Variants in ATP9A observed in about 807,000 individuals in gnomAD.
ATP9A encodes the protein probable phospholipid-transporting ATPase IIA.
A neutral mutation model predicts 144.1 loss-of-function variants in ATP9A; 52 were observed. The observed-to-expected ratio is 0.36, with a 90% CI of 0.29 to 0.45. The LOEUF (loss-of-function observed/expected upper bound fraction) is 0.45, where lower values mean the gene tolerates loss of function less well. ATP9A is among the 20% of genes least tolerant of loss of function. The pLI is 1.00. For synonymous variants in ATP9A, 582 were observed against 557.4 expected (o/e 1.04, Z -0.62); for missense variants, 947 against 1,392.7 (o/e 0.68, Z 5.09).
chr20:51,752,690 C>A (rs1052948530), intron 1 of ATP9A, among the ~76,000 whole-genome samples: 1 of 152,292 alleles, frequency 6.6e-6, no homozygotes, highest in South Asian at 2.1e-4. Flanking sequence ...TTGAGTGCTT[C>A]TTTGTTGGTC....
At chr20:51,626,925 C>T (rs143251370) in intron 17 of ATP9A, among the ~76,000 whole-genome samples, 186 of 151,994 alleles carry the variant, frequency 1.2e-3, no homozygotes, top group African/African-American at 4.2e-3. Flanking sequence ...GGCATGGTGA[C>T]GGGCAACTGT....
intron 13 of ATP9A, among the ~76,000 whole-genome samples, chr20:51,666,679 T>A (rs6126289): frequency 0.034 from 4,627 of 134,954 alleles, 139 homozygotes; most frequent in African/African-American, 0.072. Context: ...GACTGTGTCT[T>A]AAAAAAAAAA....
chr20:51,702,002 T>G (rs2077595259), intron 4 of ATP9A, among the ~76,000 whole-genome samples: 1 of 151,534 alleles, frequency 6.6e-6, no homozygotes, highest in Non-Finnish European at 1.5e-5. Context: ...CTCTATTTTT[T>G]AAAAAAGTTA....
At chr20:51,642,725 CCAAAAAAAAA>C (rs1162543492) in intron 14 of ATP9A, among the ~76,000 whole-genome samples, 22 of 65,576 alleles carry the variant, frequency 3.4e-4, no homozygotes, top group Middle Eastern at 9.3e-3. Flanking sequence ...GACTCTGTCT[CCAAAAAAAAA>C]AAAAAAAAAA....
chr20:51,647,547 T>A (rs572300823), intron 14 of ATP9A, among the ~76,000 whole-genome samples: 73 of 151,404 alleles, frequency 4.8e-4, no homozygotes, highest in African/African-American at 1.7e-3. Flanking sequence ...CAAGACTTCA[T>A]CTCAAAACAA....
chr20:51,741,204 G>A (rs1435363996), intron 1 of ATP9A, among the ~76,000 whole-genome samples: 1 of 152,098 alleles, frequency 6.6e-6, no homozygotes, highest in African/African-American at 2.4e-5. Context: ...CACTGCTGGA[G>A]AGCATCCCTT....
At chr20:51,677,996 T>C (rs1158151830) in intron 9 of ATP9A, among the ~76,000 whole-genome samples, 1 of 152,036 alleles carries the variant, frequency 6.6e-6, no homozygotes, top group African/African-American at 2.4e-5. Context: ...CCCTTCTCAG[T>C]GTGTGCCAAG....
chr20:51,726,987 C>A (rs553611082), intron 2 of ATP9A, among the ~76,000 whole-genome samples: 3 of 133,220 alleles, frequency 2.3e-5, no homozygotes, highest in Non-Finnish European at 4.6e-5. Flanking sequence ...AGGTTGAGTG[C>A]AAAAAGAAAT....
rs574568079 is a variant in ATP9A, at chr20:51,693,138, G to A, written c.642+870C>T. Among the ~76,000 whole-genome samples, 72 of 152,344 alleles carry A rather than the reference G, an allele frequency of 4.7e-4. 1 individual carries two copies. The highest frequency in any genetic ancestry group is 1.7e-3 in the African/African-American group (70 of 41,576). On this transcript the variant is annotated intron_variant, in intron 7 of 27. Coordinates refer to ENST00000338821, the MANE Select transcript of ATP9A (RefSeq NM_006045.3). Reference sequence around the variant, plus strand: ...GGCCTGCGCCCCATCATACACACTGGGGATACGGCAGAGAATACAACAGGA... The same window carrying A: ...GGCCTGCGCCCCATCATACACACTGAGGATACGGCAGAGAATACAACAGGA...
At chr20:51,746,702 G>A (rs1379051167) in intron 1 of ATP9A, among the ~76,000 whole-genome samples, 1 of 152,222 alleles carries the variant, frequency 6.6e-6, no homozygotes, top group Non-Finnish European at 1.5e-5. Context: ...GGCCGGACAT[G>A]GTGGGGGACA....
rs2077135549 is a variant in ATP9A at position 51,600,026 on chromosome 20, G to A, written c.*1185C>T. The A allele has an allele frequency of 6.6e-6, 1 of 152,194 alleles. No homozygotes were observed. Among genetic ancestry groups the A allele is most frequent in the Non-Finnish European group, 1.5e-5 (1 of 68,046 alleles). The allele number at this position is 152,194 out of a possible 1,614,324, so 9.4% of individuals were successfully genotyped here. A position where few individuals can be genotyped will look rare whatever the true frequency, so the allele number is the denominator to read the frequency against. On this transcript the variant is annotated 3_prime_UTR_variant, in exon 28 of 28. Transcript: ENST00000338821. The stretch of plus-strand genomic sequence containing the variant: ...GCATGTAGTCCATCCTGGGAGGGGA[G>A]AAATCTTCACCACTGGCTGCCTTTC...
At chr20:51,704,768 G>A (rs923527481) in intron 4 of ATP9A, among the ~76,000 whole-genome samples, 3 of 152,014 alleles carry the variant, frequency 2.0e-5, no homozygotes, top group Admixed American at 6.6e-5. Context: ...CAACAAGAGC[G>A]AAACTCCATC....
chr20:51,618,842 G>C, intron 20 of ATP9A, 36 bp from the exon 21 acceptor site: 1 of 1,581,088 alleles, frequency 6.3e-7, no homozygotes, highest in South Asian at 1.2e-5. Flanking sequence ...CGTTGGTGGA[G>C]GGAGAGGTGG....
At chr20:51,699,493 A>T (rs1321316267) in intron 4 of ATP9A, among the ~76,000 whole-genome samples, 1 of 152,126 alleles carries the variant, frequency 6.6e-6, no homozygotes, top group African/African-American at 2.4e-5. Flanking sequence ...TTTTCAGAGC[A>T]TTCCAATGTT....
At chr20:51,686,019 T>C (rs756216895) in intron 9 of ATP9A, among the ~76,000 whole-genome samples, 29 of 152,296 alleles carry the variant, frequency 1.9e-4, no homozygotes, top group Middle Eastern at 3.4e-3. Flanking sequence ...ATACTATGCA[T>C]AGAATTCTAT....
At chr20:51,750,062 G>A (rs1202534244) in intron 1 of ATP9A, among the ~76,000 whole-genome samples, 3 of 152,152 alleles carry the variant, frequency 2.0e-5, no homozygotes, top group African/African-American at 7.2e-5. Context: ...GGCTGAGGCG[G>A]GAGAATTGCT....
intron 6 of ATP9A, 142 bp downstream of exon 6, chr20:51,695,951 C>T (rs1276132396): frequency 1.3e-5 from 9 of 703,720 alleles, no homozygotes; most frequent in South Asian, 1.9e-5. Flanking sequence ...TTAAAAAGCA[C>T]GGTCTATTTA....
In ATP9A at chr20:51,641,679, AAAT is replaced by A. The variant is rs757361368; in HGVS notation, c.1507-2178_1507-2176del. Among the ~76,000 whole-genome samples, 19 of 151,118 alleles carry A rather than the reference AAAT, an allele frequency of 1.3e-4. No homozygotes were observed. In the East Asian group the frequency reaches 3.3e-3, roughly 26 times the overall value. ...AAAAAATAAAAATAAAAAAAATAAA[AAAT>A]AAGCTGGGCGTGGTGGCAGGCGCCT... is the stretch of plus-strand genomic sequence containing the variant. On this transcript the variant is annotated intron_variant, in intron 14 of 27. Coordinates refer to ENST00000338821, the MANE Select transcript of ATP9A (RefSeq NM_006045.3).
chr20:51,722,252 T>G (rs954514964), intron 3 of ATP9A, among the ~76,000 whole-genome samples: 2 of 152,176 alleles, frequency 1.3e-5, no homozygotes, highest in Non-Finnish European at 2.9e-5. Context: ...GAAGGTAACA[T>G]TGGAAAAACC....
Sources: allele counts gnomAD v4.1 joint callset (sites outside exome capture counted in the v4.1 genomes callset), GRCh38; gene constraint gnomAD v4.1.1; transcripts MANE v1.5; gene names NCBI Gene and HGNC (gene_info 2026-07-23, HGNC 2026-07-21).